The following CACNA1A variants were observed in gnomAD, a reference collection of about 807,000 sequenced individuals.
CACNA1A encodes voltage-dependent P/Q-type calcium channel subunit alpha-1A.
Under a neutral mutation model 262.4 loss-of-function variants are expected in CACNA1A, and 57 were observed. The ratio of observed to expected loss-of-function variants is 0.22; its 90% confidence interval spans 0.18 to 0.27. The LOEUF (loss-of-function observed/expected upper bound fraction) is 0.27, where lower values mean the gene tolerates loss of function less well. CACNA1A is among the 10% of genes least tolerant of loss of function. The pLI, the probability that CACNA1A is intolerant of heterozygous loss-of-function variation, is 1.00. For missense variants in CACNA1A, 2,526 were observed against 3,562.8 expected (o/e 0.71, Z 7.41); for synonymous variants, 1,431 against 1,419.3 (o/e 1.01, Z -0.18).
chr19:13,473,241 T>G (rs1278052955), intron 1 of CACNA1A, among the ~76,000 whole-genome samples: 5 of 129,508 alleles, frequency 3.9e-5, no homozygotes, highest in Admixed American at 8.2e-5. Flanking sequence ...GGTGACAGAG[T>G]GAGGCCCTGA....
Position 13,308,430 on chromosome 19 carries a change from A to C in CACNA1A, c.1767T>G (p.Ile589Met), listed in dbSNP as rs1165125260. ...SVLRALRLLR[I>M]FKVTKYWASL... Reference sequence around the variant, plus strand: ...CAAAGACTTACTTTGTGACTTTGAAAATACGCAATAACCTGAGGGCTCGTA... The same window carrying C: ...CAAAGACTTACTTTGTGACTTTGAACATACGCAATAACCTGAGGGCTCGTA... The change falls in exon 13 of 47, where the codon ATT (isoleucine) becomes ATG (methionine). Residue 589 changes from isoleucine (I) to methionine (M), a missense_variant. Physicochemically the swap from Ile to Met is conservative, Grantham distance 10. Around this residue, in one of 17 missense-constraint regions of CACNA1A, gnomAD observed 102 missense variants for 278.9 expected, o/e 0.37. Transcript: ENST00000360228. This position sits in a 1 kb window ranked among gnomAD's most constrained non-coding sequence, Gnocchi z 4.2. The C allele has an allele frequency of 6.2e-7, 1 of 1,612,760 alleles. No individual in the cohort carries two copies. The highest frequency in any genetic ancestry group is 8.5e-7 in the Non-Finnish European group (1 of 1,179,224).
chr19:13,417,012 C>T (rs905886279), intron 3 of CACNA1A, among the ~76,000 whole-genome samples: 2 of 152,040 alleles, frequency 1.3e-5, no homozygotes, highest in Non-Finnish European at 2.9e-5. Flanking sequence ...AATTGGTGAC[C>T]GAATTGCACG....
At chr19:13,473,654 T>TA (rs1978296932) in intron 1 of CACNA1A, among the ~76,000 whole-genome samples, 1 of 152,188 alleles carries the variant, frequency 6.6e-6, no homozygotes, top group South Asian at 2.1e-4. Flanking sequence ...CTTTTCCTGT[T>TA]ACAAGTTCCA....
At position 13,214,108 on chromosome 19, in the gene CACNA1A, C is replaced by G. The variant is rs142923278; in HGVS notation, c.5940+125G>C. 3.9e-3 allele frequency: 2,847 copies of G among 731,422 alleles called. 14 individuals are homozygous for G. The highest frequency in any genetic ancestry group is 5.8e-3 in the Non-Finnish European group (2,478 of 428,736). 45.3% of individuals were successfully genotyped at this position (731,422 alleles called of 1,614,324 possible). Reference sequence around the variant, plus strand: ...GAGATTGCAGGTGTGAGCTGCTGTGCACAGCCCCTACTTTTCAGGGACCTG... The same window carrying G: ...GAGATTGCAGGTGTGAGCTGCTGTGGACAGCCCCTACTTTTCAGGGACCTG... On this transcript the variant is annotated intron_variant, in intron 40 of 46. Transcript: ENST00000360228. The surrounding 1 kb of genome is among the most constrained non-coding windows in gnomAD (Gnocchi z 4.1).
chr19:13,298,917 G>A lies in CACNA1A; in HGVS notation c.2716C>T (p.Arg906Trp). ...PYGRESDHHA[R>W]EGSLEQPGFW... ...CCGGGTTGCTCCAGGCTGCCCTCCC[G>A]GGCGTGGTGGTCCGACTCGCGGCCG... The change falls in exon 19 of 47, where the codon CGG (arginine) becomes TGG (tryptophan). Residue 906 changes from arginine (R) to tryptophan (W), a missense_variant. By Grantham distance (101) the Arg-to-Trp change is moderately radical (BLOSUM62 -3). Transcript: ENST00000360228. The A allele has an allele frequency of 1.3e-6, 2 of 1,594,420 alleles. No individual in the cohort carries two copies. Among genetic ancestry groups the A allele is most frequent in the Non-Finnish European group, 1.7e-6 (2 of 1,177,742 alleles).
intron 6 of CACNA1A, among the ~76,000 whole-genome samples, chr19:13,337,541 A>G (rs150576873): frequency 1.8e-4 from 28 of 152,276 alleles, no homozygotes; most frequent in African/African-American, 6.3e-4. Flanking sequence ...AGTTTTGCCA[A>G]TGGCAAAACC....
intron 1 of CACNA1A, among the ~76,000 whole-genome samples, chr19:13,495,457 T>C (rs796626097): frequency 5.9e-5 from 9 of 152,154 alleles, no homozygotes; most frequent in African/African-American, 2.2e-4. Flanking sequence ...CCACCACGCC[T>C]GGCTAATTTT....
At chr19:13,480,486 G>C (rs528397352) in intron 1 of CACNA1A, among the ~76,000 whole-genome samples, 6 of 152,128 alleles carry the variant, frequency 3.9e-5, no homozygotes, top group African/African-American at 1.4e-4. Context: ...TACTGGTAAG[G>C]CTTCTGGTCA....
In CACNA1A at chr19:13,486,912, C is replaced by T. The variant is rs57057248; in HGVS notation, c.293+19020G>A. Among the ~76,000 whole-genome samples, 720 of 152,156 alleles carry T rather than the reference C, an allele frequency of 4.7e-3. 4 individuals are homozygous for T. Among genetic ancestry groups the T allele is most frequent in the African/African-American group, 0.017 (688 of 41,492 alleles). On this transcript the variant is annotated intron_variant, in intron 1 of 46. Transcript: ENST00000360228. ...TGTCTCCTCTGTCTCTTCCTTCTTCCCTACACACGCAGCCTCTCTTTCTTT... is the reference window on the plus strand; with the variant it reads ...TGTCTCCTCTGTCTCTTCCTTCTTCTCTACACACGCAGCCTCTCTTTCTTT...
At position 13,330,380 on chromosome 19, in the gene CACNA1A, G is replaced by C. The variant is rs779502995; in HGVS notation, c.1256-47C>G. On this transcript the variant is annotated intron_variant, in intron 9 of 46. Coordinates refer to ENST00000360228, the MANE Select transcript of CACNA1A (RefSeq NM_001127222.2). ...AAGAGAAAAAGACGTTACCCTTTTT[G>C]CAACACAGACCATATGGACACAGTG... is the stretch of plus-strand genomic sequence containing the variant. The C allele has an allele frequency of 3.9e-5, 53 of 1,359,282 alleles. No homozygotes were observed. The South Asian group carries it at 6.4e-4, about 16-fold the overall frequency. 84.2% of individuals were successfully genotyped at this position (1,359,282 alleles called of 1,614,324 possible).
chr19:13,391,986 G>C (rs542865869), intron 3 of CACNA1A, among the ~76,000 whole-genome samples: 2 of 148,400 alleles, frequency 1.3e-5, no homozygotes, highest in South Asian at 4.3e-4. Flanking sequence ...GCAGTGAGCT[G>C]TGATCATGCT....
chr19:13,491,911 G>A (rs1980933042), intron 1 of CACNA1A, among the ~76,000 whole-genome samples: 1 of 152,122 alleles, frequency 6.6e-6, no homozygotes, highest in African/African-American at 2.4e-5. Context: ...TGGGGAGGGA[G>A]GAGGCCGATA....
chr19:13,247,955 G>A (rs2056293740), intron 30 of CACNA1A, among the ~76,000 whole-genome samples: 1 of 152,156 alleles, frequency 6.6e-6, no homozygotes, highest in South Asian at 2.1e-4. Context: ...CCCTCCCTGT[G>A]AGGTGGGATG....
At chr19:13,467,232 C>A (rs2061262774) in intron 1 of CACNA1A, among the ~76,000 whole-genome samples, 1 of 152,078 alleles carries the variant, frequency 6.6e-6, no homozygotes, top group Admixed American at 6.5e-5. Context: ...TTTTCACCTT[C>A]TAAATGACAC....
intron 6 of CACNA1A, among the ~76,000 whole-genome samples, chr19:13,337,466 T>C (rs565727209): frequency 2.0e-5 from 3 of 152,234 alleles, no homozygotes; most frequent in Admixed American, 2.0e-4. Context: ...GACACCATCG[T>C]ATTAGATTAG....
chr19:13,221,855 A>G (rs2055244602), intron 38 of CACNA1A, among the ~76,000 whole-genome samples: 1 of 151,642 alleles, frequency 6.6e-6, no homozygotes, highest in South Asian at 2.1e-4. Flanking sequence ...CCCCCTAATG[A>G]TGGAGAGTGA....
At chr19:13,429,472 C>T (rs1288205049) in intron 3 of CACNA1A, among the ~76,000 whole-genome samples, 5 of 143,038 alleles carry the variant, frequency 3.5e-5, no homozygotes, top group South Asian at 2.2e-4. Flanking sequence ...AACGCTGACA[C>T]GAGAGATGTG....
At chr19:13,250,548 C>A (rs1355042617) in intron 30 of CACNA1A, among the ~76,000 whole-genome samples, 1 of 152,074 alleles carries the variant, frequency 6.6e-6, no homozygotes, top group Non-Finnish European at 1.5e-5. Context: ...AGGCATGCGC[C>A]ACCACACCCA....
chr19:13,249,190 C>T (rs2056330344), intron 30 of CACNA1A, among the ~76,000 whole-genome samples: 1 of 152,094 alleles, frequency 6.6e-6, no homozygotes, highest in African/African-American at 2.4e-5. Flanking sequence ...GTCTGAAACG[C>T]CTGGGTTCAA....
Sources: gnomAD v4.1 joint callset for allele counts (sites outside exome capture counted in the v4.1 genomes callset) on GRCh38, gnomAD v4.1.1 for gene constraint, gnomAD v4.1.1 regional missense constraint, Gnocchi (gnomAD v3.1) non-coding constraint, MANE v1.5 for transcripts, NCBI Gene and HGNC (gene_info 2026-07-23, HGNC 2026-07-21) for gene names.